Variants in CNTNAP2 observed in about 807,000 individuals in gnomAD.
CNTNAP2 encodes contactin associated protein 2.
Under a neutral mutation model 155.2 loss-of-function variants are expected in CNTNAP2, and 98 were observed. The observed-to-expected ratio is 0.63, with a 90% CI of 0.54 to 0.75. The LOEUF (loss-of-function observed/expected upper bound fraction) is 0.75. Ranked by LOEUF, CNTNAP2 falls within the 30% of genes least tolerant of loss-of-function variation. The pLI is 0.00. For synonymous variants in CNTNAP2, 651 were observed against 631.2 expected, an observed-to-expected ratio of 1.03 and a Z score of -0.47; for missense variants, 1,727 against 1,688.1, an observed-to-expected ratio of 1.02 and a Z score of -0.40.
intron 9 of CNTNAP2, among the ~76,000 whole-genome samples, chr7:147,343,551 G>C (rs1393319392): frequency 6.6e-6 from 1 of 151,998 alleles, no homozygotes. Flanking sequence ...TTATTTTCCA[G>C]CATTCATTTT....
At chr7:147,383,952 G>T (rs948978350) in intron 9 of CNTNAP2, among the ~76,000 whole-genome samples, 7 of 151,988 alleles carry the variant, frequency 4.6e-5, no homozygotes, top group African/African-American at 1.7e-4. Flanking sequence ...TCTGTAAGAA[G>T]AAATTAGTAG....
chr7:148,261,458 G>A (rs1796561043), intron 20 of CNTNAP2, among the ~76,000 whole-genome samples: 1 of 152,122 alleles, frequency 6.6e-6, no homozygotes, highest in Non-Finnish European at 1.5e-5. Flanking sequence ...CACGCCCAAC[G>A]CATCTGTTGT....
chr7:146,866,791 A>C (rs1795213840), intron 3 of CNTNAP2, among the ~76,000 whole-genome samples: 1 of 152,152 alleles, frequency 6.6e-6, no homozygotes, highest in African/African-American at 2.4e-5. Flanking sequence ...TATCAGTACA[A>C]TATTTCTGCA....
intron 1 of CNTNAP2, among the ~76,000 whole-genome samples, chr7:146,719,273 C>T (rs1010147665): frequency 6.6e-6 from 1 of 152,110 alleles, no homozygotes; most frequent in Non-Finnish European, 1.5e-5. Flanking sequence ...AATGCAGTGC[C>T]ACCAAAATAT....
chr7:148,021,947 G>C (rs968136623), intron 15 of CNTNAP2, among the ~76,000 whole-genome samples: 2 of 152,076 alleles, frequency 1.3e-5, no homozygotes, highest in Non-Finnish European at 2.9e-5. Flanking sequence ...CGCTGCCTCC[G>C]TCTCCTCTGT....
chr7:148,298,707 T>C (rs1299616639), intron 21 of CNTNAP2, among the ~76,000 whole-genome samples: 1 of 152,164 alleles, frequency 6.6e-6, no homozygotes, highest in Non-Finnish European at 1.5e-5. Context: ...TATATATATT[T>C]TTTAGACAGG....
chr7:146,838,778 C>T (rs1447556402), intron 2 of CNTNAP2, among the ~76,000 whole-genome samples: 4 of 152,092 alleles, frequency 2.6e-5, no homozygotes, highest in African/African-American at 9.7e-5. Flanking sequence ...TTTTGCCAGC[C>T]TTTAAATTCC....
chr7:147,220,098 A>G (rs1004874432), intron 8 of CNTNAP2, among the ~76,000 whole-genome samples: 1 of 151,768 alleles, frequency 6.6e-6, no homozygotes, highest in Non-Finnish European at 1.5e-5. Flanking sequence ...AGGCTGCATC[A>G]CTTCTTAAAG....
At chr7:146,316,101 A>G (rs1800900969) in intron 1 of CNTNAP2, among the ~76,000 whole-genome samples, 1 of 152,178 alleles carries the variant, frequency 6.6e-6, no homozygotes, top group South Asian at 2.1e-4. Flanking sequence ...ATTTTAAGTT[A>G]AAAAGGCCAT....
intron 10 of CNTNAP2, among the ~76,000 whole-genome samples, chr7:147,464,023 A>C (rs1798069538): frequency 6.6e-6 from 1 of 151,474 alleles, no homozygotes; most frequent in Non-Finnish European, 1.5e-5. Flanking sequence ...TGGCCAAAAG[A>C]CATCCCAATT....
At chr7:147,197,676 C>T (rs1267908887) in intron 8 of CNTNAP2, among the ~76,000 whole-genome samples, 1 of 152,146 alleles carries the variant, frequency 6.6e-6, no homozygotes, top group Non-Finnish European at 1.5e-5. Context: ...TGAATTAGAA[C>T]ATTTGGTGTG....
chr7:147,195,405 G>A (rs552280420), intron 8 of CNTNAP2, among the ~76,000 whole-genome samples: 42 of 152,006 alleles, frequency 2.8e-4, no homozygotes, highest in Admixed American at 5.9e-4. Flanking sequence ...GCTCTATGGC[G>A]TCTTCTTTGA....
intron 10 of CNTNAP2, among the ~76,000 whole-genome samples, chr7:147,437,506 T>C (rs926358244): frequency 1.2e-4 from 19 of 152,254 alleles, no homozygotes; most frequent in African/African-American, 4.6e-4. Flanking sequence ...CAACATTTCA[T>C]AGTAGGTGTA....
At chr7:146,483,200 T>C (rs1406708009) in intron 1 of CNTNAP2, among the ~76,000 whole-genome samples, 1 of 146,504 alleles carries the variant, frequency 6.8e-6, no homozygotes, top group Admixed American at 6.9e-5. Flanking sequence ...GGCATGAACC[T>C]GGGAGGCGGA....
At chr7:146,512,882 G>T (rs1233493465) in intron 1 of CNTNAP2, among the ~76,000 whole-genome samples, 7 of 151,800 alleles carry the variant, frequency 4.6e-5, no homozygotes. Flanking sequence ...TACTGGTAGG[G>T]GGTTATTGAT....
intron 21 of CNTNAP2, among the ~76,000 whole-genome samples, chr7:148,344,005 A>G (rs1470122100): frequency 2.0e-5 from 3 of 152,204 alleles, no homozygotes; most frequent in Non-Finnish European, 4.4e-5. Context: ...TGACTGGGCT[A>G]CAGCCAATTG....
intron 12 of CNTNAP2, among the ~76,000 whole-genome samples, chr7:147,586,293 G>T (rs1800619272): frequency 1.3e-5 from 2 of 151,728 alleles, no homozygotes; most frequent in African/African-American, 4.8e-5. Flanking sequence ...CATTCTATCA[G>T]TCTTAAGGTC....
intron 13 of CNTNAP2, among the ~76,000 whole-genome samples, chr7:147,671,520 T>G (rs886713464): frequency 6.6e-6 from 1 of 152,196 alleles, no homozygotes; most frequent in African/African-American, 2.4e-5. Flanking sequence ...AATTTTTTTT[T>G]GGCCAAAATA....
chr7:146,462,666 A>G (rs1252429090), intron 1 of CNTNAP2, among the ~76,000 whole-genome samples: 1 of 152,246 alleles, frequency 6.6e-6, no homozygotes, highest in Non-Finnish European at 1.5e-5. Flanking sequence ...GTTCTGCAAT[A>G]TCAAGAAAGG....
Sources: allele counts gnomAD v4.1 joint callset (sites outside exome capture counted in the v4.1 genomes callset), GRCh38; gene constraint gnomAD v4.1.1; transcripts MANE v1.5; gene names NCBI Gene and HGNC (gene_info 2026-07-23, HGNC 2026-07-21).